Variants in KCNT1 observed in about 807,000 individuals in gnomAD.
The protein encoded by KCNT1 is potassium channel subfamily T member 1.
A neutral mutation model predicts 147.8 loss-of-function variants in KCNT1; 78 were observed. The observed-to-expected ratio is 0.53, with a 90% CI of 0.44 to 0.64. The LOEUF is 0.64. Among genes scored for constraint, KCNT1 ranks in the 30% least tolerant of loss-of-function variants. KCNT1 has a pLI of 0.00. For synonymous variants in KCNT1, 867 were observed against 748.8 expected (o/e 1.16, Z -2.58); for missense variants, 1,419 against 1,750.3 (o/e 0.81, Z 3.38).
intron 2 of KCNT1, among the ~76,000 whole-genome samples, chr9:135,734,486 C>T (rs1262749150): frequency 1.3e-5 from 2 of 152,226 alleles, no homozygotes; most frequent in Non-Finnish European, 2.9e-5. Flanking sequence ...AGACGTGGTA[C>T]AGCAGCAAGT....
At chr9:135,745,572 C>G (rs765684520) in intron 2 of KCNT1, among the ~76,000 whole-genome samples, 1 of 152,234 alleles carries the variant, frequency 6.6e-6, no homozygotes, top group Non-Finnish European at 1.5e-5. Context: ...GGCAGCCTCT[C>G]AATGGAGCCT....
intron 2 of KCNT1, among the ~76,000 whole-genome samples, chr9:135,745,824 C>T (rs1830804094): frequency 6.6e-6 from 1 of 152,212 alleles, no homozygotes; most frequent in South Asian, 2.1e-4. Context: ...AGCCCTGGGC[C>T]TCTGGCTGCC....
At chr9:135,736,522 T>G (rs1830343598) in intron 2 of KCNT1, 1 of 151,278 alleles carries the variant, frequency 6.6e-6, no homozygotes. Flanking sequence ...CACCCGGCCG[T>G]TCCACTGCGC....
intron 19 of KCNT1, among the ~76,000 whole-genome samples, chr9:135,773,164 T>C (rs1487901431): frequency 6.6e-5 from 10 of 152,154 alleles, no homozygotes; most frequent in Admixed American, 6.5e-4. Context: ...CACTTTTGAG[T>C]GTCACTGAGA....
At chr9:135,790,965 G>C (rs1474032477) in intron 29 of KCNT1, 1 of 152,348 alleles carries the variant, frequency 6.6e-6, no homozygotes, top group Admixed American at 6.5e-5. Flanking sequence ...GAGATGATGG[G>C]GGGGCTGTCT....
intron 18 of KCNT1, among the ~76,000 whole-genome samples, chr9:135,771,965 G>A (rs1453545586): frequency 1.3e-5 from 2 of 152,194 alleles, no homozygotes; most frequent in African/African-American, 4.8e-5. Context: ...GGCACCAGGT[G>A]GTTCAGTGCA....
rs771824661 is a variant in KCNT1, at chr9:135,772,903, G to A, written c.2197G>A (p.Glu733Lys). The A allele has an allele frequency of 6.4e-7, 1 of 1,551,618 alleles. No homozygotes were observed. Reference protein sequence around the residue: ...LPCDLLSDQSEDEVTPSDDEG... With the variant: ...LPCDLLSDQSKDEVTPSDDEG... The stretch of plus-strand genomic sequence containing the variant: ...CTGCGACCTGCTGAGCGACCAGTCG[G>A]AGGATGAGGTGACGCCGTCGGACGA... The change falls in exon 19 of 31, where the codon GAG becomes AAG. Residue 733 changes from glutamate to lysine, a missense_variant. Glu to Lys is a moderately conservative substitution (Grantham distance 56). Coordinates refer to ENST00000371757, the MANE Select transcript of KCNT1 (RefSeq NM_020822.3).
At chr9:135,713,949 G>C (rs1835610787) in intron 1 of KCNT1, among the ~76,000 whole-genome samples, 1 of 152,154 alleles carries the variant, frequency 6.6e-6, no homozygotes, top group Non-Finnish European at 1.5e-5. Context: ...TGGCAGGGCA[G>C]CTCAGGGCCC....
intron 11 of KCNT1, among the ~76,000 whole-genome samples, chr9:135,761,868 T>C (rs906377012): frequency 6.6e-6 from 1 of 152,174 alleles, no homozygotes; most frequent in Non-Finnish European, 1.5e-5. Flanking sequence ...CAGCTCCACC[T>C]TCGGGCTGCG....
At position 135,785,340 on chromosome 9, in the gene KCNT1, C is replaced by T. The variant is rs746355699; in HGVS notation, c.3177+10C>T. The T allele has an allele frequency of 2.5e-6, 4 of 1,612,896 alleles. No individual in the cohort carries two copies. In the East Asian group the frequency reaches 6.7e-5, roughly 27 times the overall value. Reference sequence around the variant, plus strand: ...CGACCTCAGAGCCCAGGTAAGCAACCCCTCCGTGCCCACGCAGCTTCTGCG... The same window carrying T: ...CGACCTCAGAGCCCAGGTAAGCAACTCCTCCGTGCCCACGCAGCTTCTGCG... On this transcript the variant is annotated intron_variant, in intron 28 of 30. Coordinates refer to ENST00000371757, the MANE Select transcript of KCNT1 (RefSeq NM_020822.3).
In KCNT1 at chr9:135,768,348, G is replaced by T. The variant is rs867583940; in HGVS notation, c.1338-262G>T. Reference sequence around the variant, plus strand: ...GGGGGACACTGTGATGTGGGTTGGGGGGGGGGGGGGCAGTATGGGGATGCC... The same window carrying T: ...GGGGGACACTGTGATGTGGGTTGGGTGGGGGGGGGGCAGTATGGGGATGCC... On this transcript the variant is annotated intron_variant, in intron 13 of 30. Coordinates refer to ENST00000371757, the MANE Select transcript of KCNT1 (RefSeq NM_020822.3). 9.7e-6 allele frequency: 2 copies of T among 205,306 alleles called. 1 individual carries two copies. Among genetic ancestry groups the T allele is most frequent in the Non-Finnish European group, 1.8e-5 (2 of 110,144 alleles). 12.7% of individuals were successfully genotyped at this position (205,306 alleles called of 1,614,324 possible). A position where few individuals can be genotyped will look rare whatever the true frequency, so the allele number is the denominator to read the frequency against.
In KCNT1 at chr9:135,786,335, C is replaced by A. The variant is rs542409033; in HGVS notation, c.3316C>A (p.Arg1106=). The A allele has an allele frequency of 1.9e-6, 3 of 1,594,564 alleles. No homozygotes were observed. The African/African-American group carries it at 4.0e-5, about 21-fold the overall frequency. ...TGACCCCGCAGAGCACCCACTGCTA[C>A]GGCGCAAGAGCCTGCAGTGGGCCCG... The part of the protein sequence containing the change: ...GGDPAEHPLL[R]RKSLQWARRL... Residue 1106 remains arginine, a synonymous_variant, in exon 29 of 31, where the codon CGG becomes AGG. Coordinates refer to ENST00000371757, the MANE Select transcript of KCNT1 (RefSeq NM_020822.3).
In KCNT1 at chr9:135,765,241, C is replaced by T. The variant is rs1438427923; in HGVS notation, c.1200+46C>T. The T allele has an allele frequency of 2.4e-5, 38 of 1,562,872 alleles. 1 individual carries two copies. In the East Asian group the frequency reaches 8.6e-4, roughly 35 times the overall value. On this transcript the variant is annotated intron_variant, in intron 12 of 30. Transcript: ENST00000371757. ...CCAGCAGACGACTCCCTCCCGGCCC[C>T]TAGAGACGCCATCCTCTCCCCAGGA...
At chr9:135,708,118 A>C (rs1835330193) in intron 1 of KCNT1, among the ~76,000 whole-genome samples, 1 of 152,222 alleles carries the variant, frequency 6.6e-6, no homozygotes, top group South Asian at 2.1e-4. Context: ...CCCAGCACTC[A>C]GACACCCCCA....
intron 2 of KCNT1, among the ~76,000 whole-genome samples, chr9:135,724,939 G>T (rs1366353133): frequency 1.3e-5 from 2 of 152,220 alleles, no homozygotes. Context: ...GATCTGACAG[G>T]GTCTTCCCCC....
At chr9:135,755,310 C>A (rs1831411936) in intron 6 of KCNT1, 141 bp downstream of exon 6, 2 of 630,542 alleles carry the variant, frequency 3.2e-6, no homozygotes, top group Non-Finnish European at 2.5e-6. Flanking sequence ...TAAGAACAAA[C>A]CCAGGCTCAG....
chr9:135,751,884 G>A (rs1407649990), intron 4 of KCNT1, among the ~76,000 whole-genome samples: 2 of 152,136 alleles, frequency 1.3e-5, no homozygotes, highest in East Asian at 3.9e-4. Flanking sequence ...TCGTTCCCTT[G>A]TTCACTCGTC....
intron 13 of KCNT1, among the ~76,000 whole-genome samples, chr9:135,766,038 G>A (rs1329052690): frequency 2.0e-5 from 3 of 150,416 alleles, no homozygotes; most frequent in Non-Finnish European, 3.0e-5. Context: ...GGAGTGAACT[G>A]TCAAGGGTGG....
intron 2 of KCNT1, 62 bp from the exon 3 acceptor site, chr9:135,750,036 G>C (rs952480594): frequency 1.8e-5 from 24 of 1,367,994 alleles, no homozygotes; most frequent in Non-Finnish European, 2.0e-5. Context: ...GGGGCTCCCG[G>C]CGTGTCCCCA....
Sources: gnomAD v4.1 joint callset for allele counts (sites outside exome capture counted in the v4.1 genomes callset) on GRCh38, gnomAD v4.1.1 for gene constraint, MANE v1.5 for transcripts, NCBI Gene and HGNC (gene_info 2026-07-23, HGNC 2026-07-21) for gene names.